NEDD4: variants seen among roughly 807,000 people sequenced by gnomAD.
NEDD4 encodes the protein NEDD4 E3 ubiquitin protein ligase, also known as E3 ubiquitin-protein ligase NEDD4.
Under a neutral mutation model 144.9 loss-of-function variants are expected in NEDD4, and 99 were observed. The ratio of observed to expected loss-of-function variants is 0.68; its 90% confidence interval spans 0.58 to 0.81. NEDD4 has a LOEUF of 0.81. Ranked by LOEUF, NEDD4 falls within the 30% of genes least tolerant of loss-of-function variation. The probability of loss-of-function intolerance (pLI) is 0.00; values close to 1 mark genes in which losing one functional copy is unlikely to be tolerated. For synonymous variants in NEDD4, 318 were observed against 350.6 expected, an observed-to-expected ratio of 0.91 and a Z score of 1.04; for missense variants, 985 against 1,065.9, an observed-to-expected ratio of 0.92 and a Z score of 1.06.
intron 4 of NEDD4, among the ~76,000 whole-genome samples, chr15:55,932,416 G>A (rs564549393): frequency 4.6e-5 from 7 of 152,226 alleles, no homozygotes; most frequent in African/African-American, 1.7e-4. Flanking sequence ...CAAGAAACGG[G>A]GAAAGGATTC....
intron 4 of NEDD4, among the ~76,000 whole-genome samples, chr15:55,948,322 G>A (rs1312777598): frequency 6.6e-6 from 1 of 152,062 alleles, no homozygotes; most frequent in Non-Finnish European, 1.5e-5. Context: ...ACAAATGGAA[G>A]AACATTCCAT....
At chr15:55,969,541 G>T (rs1273178017) in intron 1 of NEDD4, among the ~76,000 whole-genome samples, 3 of 152,104 alleles carry the variant, frequency 2.0e-5, no homozygotes, top group Admixed American at 2.0e-4. Flanking sequence ...AAGAGTAGAG[G>T]AGACTATGTT....
rs571769271 is a variant in NEDD4, at chr15:55,985,941, T to C, written c.45+7570A>G. On this transcript the variant is annotated intron_variant, in intron 1 of 28. Coordinates refer to ENST00000435532, the MANE Select transcript of NEDD4 (RefSeq NM_006154.4). The stretch of plus-strand genomic sequence containing the variant: ...TTGTAGATAGCTGAGCCAAGCAAAA[T>C]ACAAGAGAAGCCTGGAACAACTTCT... Among the ~76,000 whole-genome samples the C allele has an allele frequency of 2.6e-5, 4 of 152,182 alleles. No homozygotes were observed. The South Asian group carries it at 8.3e-4, about 32-fold the overall frequency.
chr15:55,967,942 T>G (rs1443011864), intron 1 of NEDD4, among the ~76,000 whole-genome samples: 1 of 152,008 alleles, frequency 6.6e-6, no homozygotes, highest in Non-Finnish European at 1.5e-5. Flanking sequence ...GAATTTGAGG[T>G]AACAGTGAGC....
At chr15:55,925,210 A>C (rs2036640875) in intron 4 of NEDD4, among the ~76,000 whole-genome samples, 1 of 152,252 alleles carries the variant, frequency 6.6e-6, no homozygotes, top group Non-Finnish European at 1.5e-5. Flanking sequence ...CAACAACAAC[A>C]AAGTGAATCT....
chr15:55,908,392 CT>C (rs1234279387), intron 5 of NEDD4, among the ~76,000 whole-genome samples: 17 of 152,132 alleles, frequency 1.1e-4, no homozygotes, highest in African/African-American at 4.1e-4. Context: ...TGCATGTACA[CT>C]TAGTATCTGA....
intron 1 of NEDD4, among the ~76,000 whole-genome samples, chr15:55,970,090 G>A (rs68111860): frequency 2.0e-5 from 3 of 151,856 alleles, no homozygotes; most frequent in South Asian, 2.1e-4. Flanking sequence ...TTAAAGAGAC[G>A]TTGGGCCCTT....
intron 5 of NEDD4, among the ~76,000 whole-genome samples, chr15:55,882,014 A>G (rs2035212181): frequency 6.6e-6 from 1 of 152,148 alleles, no homozygotes; most frequent in South Asian, 2.1e-4. Context: ...CTCATTAAGA[A>G]CCACTGCTAC....
At chr15:55,962,911 T>C in intron 2 of NEDD4, among the ~76,000 whole-genome samples, 1 of 151,800 alleles carries the variant, frequency 6.6e-6, no homozygotes, top group East Asian at 1.9e-4. Flanking sequence ...TTCAGCCTCC[T>C]GAGTAGCTGG....
chr15:55,832,409 G>A (rs2032994279), intron 27 of NEDD4, among the ~76,000 whole-genome samples: 1 of 151,978 alleles, frequency 6.6e-6, no homozygotes, highest in Admixed American at 6.6e-5. Flanking sequence ...TATCACATTA[G>A]AAGTAATGCT....
intron 2 of NEDD4, among the ~76,000 whole-genome samples, chr15:55,965,406 T>A (rs1200802850): frequency 6.6e-6 from 1 of 152,054 alleles, no homozygotes; most frequent in Non-Finnish European, 1.5e-5. Context: ...TTCACCATAT[T>A]GCCCAGGCTG....
At chr15:55,977,469 C>T (rs1027164738) in intron 1 of NEDD4, among the ~76,000 whole-genome samples, 2 of 152,058 alleles carry the variant, frequency 1.3e-5, no homozygotes, top group Non-Finnish European at 2.9e-5. Flanking sequence ...AGAATGTATC[C>T]GTTGTTAAGC....
At chr15:55,842,531 G>A (rs1057459078) in intron 18 of NEDD4, among the ~76,000 whole-genome samples, 17 of 152,106 alleles carry the variant, frequency 1.1e-4, no homozygotes, top group African/African-American at 2.7e-4. Context: ...GACCACAGGC[G>A]CATGCCATCA....
rs1479945025 is a variant in NEDD4, at chr15:55,862,916, G to T, written c.671C>A (p.Pro224His). ...TGTGAAAGCCATCAGCACATACTGA[G>T]GGGTTGGTCTTTTCCACTGTGTTCT... The part of the protein sequence containing the change: ...SRRTQWKRPT[P>H]QDNLTDAENG... The change falls in exon 9 of 29, where the codon CCT becomes CAT. Residue 224 changes from proline (P) to histidine (H), a missense_variant. Pro to His is a moderately conservative substitution (Grantham distance 77, BLOSUM62 -2). Transcript: ENST00000435532. 1 of 1,597,414 alleles carries T rather than the reference G, an allele frequency of 6.3e-7. No individual in the cohort carries two copies. Among genetic ancestry groups the T allele is most frequent in the Non-Finnish European group, 8.5e-7 (1 of 1,170,216 alleles).
At position 55,993,525 on chromosome 15, in the gene NEDD4, G is replaced by T. The variant is rs200363177; in HGVS notation, c.31C>A (p.Leu11Ile). 1.3e-6 allele frequency: 2 copies of T among 1,597,870 alleles called. No individual in the cohort carries two copies. The highest frequency in any genetic ancestry group is 2.3e-5 in the East Asian group (1 of 42,784). Residue 11 changes from leucine (L) to isoleucine (I), a missense_variant, in exon 1 of 29, where the codon CTC becomes ATC. By Grantham distance (5) the Leu-to-Ile change is conservative (BLOSUM62 2). Coordinates refer to ENST00000435532, the MANE Select transcript of NEDD4 (RefSeq NM_006154.4). The part of the protein sequence containing the change: MATCAVEVFG[L>I]LEDEENSRIV... ...GGTCCCCGCACCTCGTCCTCCAGGA[G>T]CCCGAACACCTCCACCGCGCAAGTT...
At chr15:55,929,181 G>A (rs1266613488) in intron 4 of NEDD4, among the ~76,000 whole-genome samples, 1 of 152,148 alleles carries the variant, frequency 6.6e-6, no homozygotes, top group Non-Finnish European at 1.5e-5. Context: ...CCTAATGACA[G>A]AATGTCTCAA....
intron 5 of NEDD4, among the ~76,000 whole-genome samples, chr15:55,880,424 T>A (rs1412608299): frequency 1.3e-5 from 2 of 151,926 alleles, no homozygotes; most frequent in African/African-American, 4.8e-5. Flanking sequence ...GCTTGGAGAG[T>A]AACAAAGTAG....
rs148600293 is a variant in NEDD4 at position 55,990,168 on chromosome 15, C to T, written c.45+3343G>A. On this transcript the variant is annotated intron_variant, in intron 1 of 28. Transcript: ENST00000435532. ...ATTACGGTGAGCTGTATAATTACTT[C>T]ATTACATATCACAATGTAATCATAA... Among the ~76,000 whole-genome samples the T allele has an allele frequency of 6.6e-5, 10 of 152,038 alleles. No individual in the cohort carries two copies. In the East Asian group the frequency reaches 1.9e-3, roughly 29 times the overall value.
intron 1 of NEDD4, among the ~76,000 whole-genome samples, chr15:55,985,416 G>A (rs1339181786): frequency 6.6e-6 from 1 of 152,216 alleles, no homozygotes; most frequent in Non-Finnish European, 1.5e-5. Flanking sequence ...AGGGTACTGA[G>A]GAGGGGAGGA....
Sources: gnomAD v4.1 joint callset for allele counts (sites outside exome capture counted in the v4.1 genomes callset) on GRCh38, gnomAD v4.1.1 for gene constraint, MANE v1.5 for transcripts, NCBI Gene and HGNC (gene_info 2026-07-23, HGNC 2026-07-21) for gene names.